Variants in CACNA1C observed in about 807,000 individuals in gnomAD.
The protein encoded by CACNA1C is calcium voltage-gated channel subunit alpha1 C, also known as voltage-dependent L-type calcium channel subunit alpha-1C.
Under a neutral mutation model 229.0 loss-of-function variants are expected in CACNA1C, and 30 were observed. The ratio of observed to expected loss-of-function variants is 0.13; its 90% CI spans 0.10 to 0.18. CACNA1C has a LOEUF of 0.18. Among genes scored for constraint, CACNA1C ranks in the 10% least tolerant of loss-of-function variants. The pLI, the probability that CACNA1C is intolerant of heterozygous loss-of-function variation, is 1.00. For synonymous variants in CACNA1C, 1,114 were observed against 1,132.5 expected (o/e 0.98, Z 0.33); for missense variants, 1,658 against 2,845.0 (o/e 0.58, Z 9.49).
chr12:2,255,618 T>A (rs2077172603), intron 3 of CACNA1C, among the ~76,000 whole-genome samples: 1 of 152,244 alleles, frequency 6.6e-6, no homozygotes, highest in Non-Finnish European at 1.5e-5. Context: ...GACAGTAAGC[T>A]GGTGGCCTTC....
rs1049248155 is a variant in CACNA1C, at chr12:2,004,835, A to G, written c.139+33634A>G. On this transcript the variant is annotated intron_variant, in intron 1 of 46. Coordinates refer to the CACNA1C transcript ENST00000682462. ...CACAATAAATAAGCCTCGAGCATCA[A>G]GAACTCTGAAGAGAAAGAGAACTGA... 4.5e-5 allele frequency: 8 copies of G among 177,516 alleles called. No individual in the cohort carries two copies. In the South Asian group the frequency reaches 9.3e-4, roughly 21 times the overall value. The allele number at this position is 177,516 out of a possible 1,614,324, so 11.0% of individuals were successfully genotyped here. A position where few individuals can be genotyped will look rare whatever the true frequency, so the allele number is the denominator to read the frequency against.
At chr12:2,310,248 GGTTT>G (rs2095348668) in intron 3 of CACNA1C, among the ~76,000 whole-genome samples, 1 of 151,680 alleles carries the variant, frequency 6.6e-6, no homozygotes, top group South Asian at 2.1e-4. Context: ...CCCCAACTCA[GGTTT>G]GTTTGACTCC....
chr12:2,560,167 C>T (rs2046705001), intron 11 of CACNA1C, among the ~76,000 whole-genome samples: 2 of 152,138 alleles, frequency 1.3e-5, no homozygotes, highest in Non-Finnish European at 2.9e-5. Flanking sequence ...ACACAGCAGC[C>T]GTCTAATCTA....
intron 3 of CACNA1C, among the ~76,000 whole-genome samples, chr12:2,151,552 T>C (rs1206050837): frequency 6.6e-6 from 1 of 152,292 alleles, no homozygotes; most frequent in Non-Finnish European, 1.5e-5. Flanking sequence ...TACATTTCAG[T>C]AGCCAGGCCA....
At chr12:2,551,686 A>G (rs1433982567) in intron 10 of CACNA1C, among the ~76,000 whole-genome samples, 1 of 152,112 alleles carries the variant, frequency 6.6e-6, no homozygotes. Context: ...TCATGTAATG[A>G]GATTAGGTCA....
At chr12:2,508,182 A>G (rs1274905988) in intron 8 of CACNA1C, among the ~76,000 whole-genome samples, 1 of 152,262 alleles carries the variant, frequency 6.6e-6, no homozygotes, top group African/African-American at 2.4e-5. Flanking sequence ...GACTGGGAGA[A>G]GTGGGTGTGA....
At chr12:2,211,670 G>T (rs1373390265) in intron 3 of CACNA1C, among the ~76,000 whole-genome samples, 2 of 149,918 alleles carry the variant, frequency 1.3e-5, no homozygotes, top group Non-Finnish European at 3.0e-5. Context: ...CAAATTCCCA[G>T]TCATTTGGCT....
intron 1 of CACNA1C, among the ~76,000 whole-genome samples, chr12:2,068,195 C>T (rs575312768): frequency 6.6e-6 from 1 of 152,296 alleles, no homozygotes; most frequent in African/African-American, 2.4e-5. Flanking sequence ...GACAGTAACA[C>T]TCCTTGAATG....
At chr12:2,417,513 C>T (rs577885363) in intron 3 of CACNA1C, among the ~76,000 whole-genome samples, 4 of 152,240 alleles carry the variant, frequency 2.6e-5, no homozygotes, top group African/African-American at 4.8e-5. Context: ...AGGAGGTACG[C>T]GCCAAGGACC....
intron 3 of CACNA1C, among the ~76,000 whole-genome samples, chr12:2,202,301 G>A (rs578097418): frequency 6.6e-6 from 1 of 152,270 alleles, no homozygotes; most frequent in East Asian, 1.9e-4. Flanking sequence ...AGGCCCGCAC[G>A]CTTTGGGTGC....
intron 3 of CACNA1C, among the ~76,000 whole-genome samples, chr12:2,126,790 TA>T (rs1395450598): frequency 6.6e-6 from 1 of 152,178 alleles, no homozygotes; most frequent in African/African-American, 2.4e-5. Context: ...CTGAGAGGAT[TA>T]AGTGAGTTAC....
intron 9 of CACNA1C, among the ~76,000 whole-genome samples, chr12:2,513,218 T>C (rs1254066328): frequency 6.6e-6 from 1 of 152,254 alleles, no homozygotes; most frequent in African/African-American, 2.4e-5. Context: ...ATATTTCACC[T>C]TGAAAGACTG....
At position 2,148,542 on chromosome 12, in the gene CACNA1C, AT is replaced by A. The variant is rs2094934681; in HGVS notation, c.477+28115del. ...ATGTATTATGTGCCAGGAACTTTGA[AT>A]TTGTCATCTTTTTGGTTTTCTTGGG... On this transcript the variant is annotated intron_variant, in intron 3 of 46. Coordinates refer to ENST00000399655, the MANE Select transcript of CACNA1C (RefSeq NM_000719.7). Among the ~76,000 whole-genome samples the A allele has an allele frequency of 2.0e-5, 3 of 150,910 alleles. No homozygotes were observed. The South Asian group carries it at 6.3e-4, about 32-fold the overall frequency.
intron 3 of CACNA1C, among the ~76,000 whole-genome samples, chr12:2,303,312 TC>T (rs1449029624): frequency 2.2e-4 from 33 of 152,078 alleles, no homozygotes. Context: ...AGATCTGAGA[TC>T]AAGGTGGTGC....
At chr12:2,577,980 T>G in intron 13 of CACNA1C, among the ~76,000 whole-genome samples, 1 of 151,382 alleles carries the variant, frequency 6.6e-6, no homozygotes, top group East Asian at 1.9e-4. Context: ...GCCATTCTCC[T>G]GCCTCAGCCT....
chr12:2,508,172 G>A (rs948106509), intron 8 of CACNA1C, among the ~76,000 whole-genome samples: 2 of 152,238 alleles, frequency 1.3e-5, no homozygotes, highest in South Asian at 4.1e-4. Context: ...AGCCTTCTGG[G>A]ACTGGGAGAA....
At chr12:2,119,800 A>G (rs550414416) in intron 2 of CACNA1C, among the ~76,000 whole-genome samples, 37 of 152,372 alleles carry the variant, frequency 2.4e-4, no homozygotes, top group African/African-American at 8.7e-4. Context: ...AGAATGAGAG[A>G]GAAGAAATGG....
At chr12:2,082,410 C>T (rs1296791370) in intron 1 of CACNA1C, among the ~76,000 whole-genome samples, 2 of 152,150 alleles carry the variant, frequency 1.3e-5, no homozygotes, top group African/African-American at 2.4e-5. Flanking sequence ...TCATACAGCC[C>T]GGCAGCGTCT....
At chr12:2,102,785 C>A (rs2076913633) in intron 1 of CACNA1C, among the ~76,000 whole-genome samples, 1 of 152,150 alleles carries the variant, frequency 6.6e-6, no homozygotes. Context: ...ACCCTGTGTC[C>A]ATGTGTTCTC....
Sources: gnomAD v4.1 joint callset for allele counts (sites outside exome capture counted in the v4.1 genomes callset) on GRCh38, gnomAD v4.1.1 for gene constraint, MANE v1.5 for transcripts, NCBI Gene and HGNC (gene_info 2026-07-23, HGNC 2026-07-21) for gene names.